The following RSU1 variants were observed in gnomAD, a reference collection of about 807,000 sequenced individuals.
The protein encoded by RSU1 is Ras suppressor protein 1, also known as rsu-1.
Under a neutral mutation model 31.1 loss-of-function variants are expected in RSU1, and 26 were observed. The observed-to-expected ratio is 0.84, with a 90% CI of 0.61 to 1.16. RSU1 has a LOEUF of 1.16. Ranked by LOEUF, RSU1 falls within the 50% of genes most tolerant of loss-of-function variation. The pLI is 0.00. For synonymous variants in RSU1, 164 were observed against 136.3 expected (o/e 1.20, Z -1.41); for missense variants, 320 against 339.1 (o/e 0.94, Z 0.44).
At chr10:16,814,490 A>G (rs2058593187) in intron 2 of RSU1, among the ~76,000 whole-genome samples, 1 of 151,002 alleles carries the variant, frequency 6.6e-6, no homozygotes, top group South Asian at 2.1e-4. Flanking sequence ...TCTTACACTT[A>G]TAATTAATGT....
intron 7 of RSU1, among the ~76,000 whole-genome samples, chr10:16,748,578 G>A (rs1836907058): frequency 6.6e-6 from 1 of 152,164 alleles, no homozygotes; most frequent in Admixed American, 6.5e-5. Flanking sequence ...ATTTCACCCG[G>A]AGTAAAAGCC....
chr10:16,613,845 T>C (rs1833933247), intron 8 of RSU1, among the ~76,000 whole-genome samples: 1 of 150,632 alleles, frequency 6.6e-6, no homozygotes, highest in Non-Finnish European at 1.5e-5. Context: ...AGACATGACA[T>C]CTTGCTTCTG....
At chr10:16,769,128 A>C (rs1837374222) in intron 3 of RSU1, among the ~76,000 whole-genome samples, 1 of 152,272 alleles carries the variant, frequency 6.6e-6, no homozygotes, top group Non-Finnish European at 1.5e-5. Context: ...CTCCATAGGA[A>C]GAATCAAAAT....
intron 8 of RSU1, among the ~76,000 whole-genome samples, chr10:16,664,422 G>A (rs570380791): frequency 4.6e-5 from 7 of 152,336 alleles, no homozygotes; most frequent in African/African-American, 1.7e-4. Context: ...CAAACCCAGA[G>A]AAGCAAGGAA....
At chr10:16,614,915 C>T (rs921674277) in intron 8 of RSU1, among the ~76,000 whole-genome samples, 5 of 152,172 alleles carry the variant, frequency 3.3e-5, no homozygotes, top group African/African-American at 1.2e-4. Context: ...AAATTTGTAA[C>T]AGCCACTGCA....
chr10:16,608,970 C>T (rs1223253962), intron 8 of RSU1, among the ~76,000 whole-genome samples: 2 of 152,056 alleles, frequency 1.3e-5, no homozygotes, highest in Admixed American at 6.6e-5. Flanking sequence ...AGTGCTGGGA[C>T]TACAGGTGTG....
At chr10:16,714,327 G>T (rs529058341) in intron 7 of RSU1, among the ~76,000 whole-genome samples, 1 of 152,212 alleles carries the variant, frequency 6.6e-6, no homozygotes, top group Non-Finnish European at 1.5e-5. Context: ...TCTTGGGCTG[G>T]ATGCCAGTGT....
intron 2 of RSU1, among the ~76,000 whole-genome samples, chr10:16,796,489 C>G (rs1454199010): frequency 6.6e-6 from 1 of 152,134 alleles, no homozygotes; most frequent in Non-Finnish European, 1.5e-5. Flanking sequence ...TTGTTCTTTC[C>G]TCACCCCAAA....
intron 8 of RSU1, among the ~76,000 whole-genome samples, chr10:16,599,792 C>T (rs1044160266): frequency 6.6e-6 from 1 of 152,218 alleles, no homozygotes; most frequent in African/African-American, 2.4e-5. Context: ...GCCATGCCCT[C>T]GTGCTGCCCG....
At chr10:16,788,283 G>A (rs868616629) in intron 2 of RSU1, among the ~76,000 whole-genome samples, 34 of 152,288 alleles carry the variant, frequency 2.2e-4, no homozygotes, top group Middle Eastern at 6.8e-3. Flanking sequence ...CCCTATGCAT[G>A]GCTCCCACCT....
At position 16,695,167 on chromosome 10, in the gene RSU1, GAAAAA is replaced by G. The variant is rs1554767079; in HGVS notation, c.599-17_599-13del. The G allele has an allele frequency of 4.5e-5, 59 of 1,321,968 alleles. 1 individual carries two copies. The highest frequency in any genetic ancestry group is 3.5e-4 in the African/African-American group (22 of 63,600). The allele number at this position is 1,321,968 out of a possible 1,614,324, so 81.9% of individuals were successfully genotyped here. The stretch of plus-strand genomic sequence containing the variant: ...TAAATCCAAGTTTCCTGGGGGGGGG[GAAAAA>G]AAAAGTGAAGGTCACTTCATCCAAT... On this transcript the variant is annotated splice_polypyrimidine_tract_variant and intron_variant, in intron 7 of 8. Transcript: ENST00000345264.
chr10:16,677,015 T>C (rs550591148), intron 8 of RSU1, among the ~76,000 whole-genome samples: 1 of 152,248 alleles, frequency 6.6e-6, no homozygotes, highest in South Asian at 2.1e-4. Context: ...AACCCTAGTA[T>C]GAGGATGAGG....
At chr10:16,654,149 C>A (rs1443783115) in intron 8 of RSU1, among the ~76,000 whole-genome samples, 2 of 151,644 alleles carry the variant, frequency 1.3e-5, no homozygotes, top group Admixed American at 1.3e-4. Flanking sequence ...ATTACACGCG[C>A]ACACCATCAC....
chr10:16,719,410 C>G (rs1282455724), intron 7 of RSU1, among the ~76,000 whole-genome samples: 1 of 152,166 alleles, frequency 6.6e-6, no homozygotes, highest in Non-Finnish European at 1.5e-5. Context: ...TGGTGGCTCA[C>G]TTGTATCACC....
intron 8 of RSU1, among the ~76,000 whole-genome samples, chr10:16,656,305 T>C (rs1189214132): frequency 6.6e-6 from 1 of 152,178 alleles, no homozygotes; most frequent in Non-Finnish European, 1.5e-5. Flanking sequence ...ATGAAAATTC[T>C]CAAAGTCATT....
chr10:16,771,555 T>C (rs1341162194), intron 3 of RSU1, among the ~76,000 whole-genome samples: 1 of 152,180 alleles, frequency 6.6e-6, no homozygotes, highest in African/African-American at 2.4e-5. Context: ...TAAAGAAGAA[T>C]CTTCTCACTC....
intron 2 of RSU1, among the ~76,000 whole-genome samples, chr10:16,811,704 C>G (rs1024514831): frequency 2.0e-5 from 3 of 152,168 alleles, no homozygotes; most frequent in Non-Finnish European, 4.4e-5. Flanking sequence ...TAGAAGTTGT[C>G]AGTTCCATCT....
intron 2 of RSU1, among the ~76,000 whole-genome samples, chr10:16,795,376 T>A (rs1421529856): frequency 2.7e-4 from 36 of 134,804 alleles, no homozygotes; most frequent in Admixed American, 8.1e-4. Context: ...AAAAAAAAAT[T>A]AAAAAAAAAT....
chr10:16,777,530 C>T (rs1202577653), intron 3 of RSU1, among the ~76,000 whole-genome samples: 3 of 152,054 alleles, frequency 2.0e-5, no homozygotes, highest in African/African-American at 7.2e-5. Context: ...GGTGCAGGGC[C>T]GGAGAGCCTG....
Sources: gnomAD v4.1 joint callset for allele counts (sites outside exome capture counted in the v4.1 genomes callset) on GRCh38, gnomAD v4.1.1 for gene constraint, MANE v1.5 for transcripts, NCBI Gene and HGNC (gene_info 2026-07-23, HGNC 2026-07-21) for gene names.